Variants in BLK observed in about 807,000 individuals in gnomAD.
BLK encodes the protein tyrosine-protein kinase Blk.
In BLK, 64 loss-of-function variants were observed where a neutral mutation model predicts 61.8. That is an observed-to-expected ratio of 1.03 (90% CI 0.85 to 1.27). The LOEUF is 1.27. Ranked by LOEUF, BLK falls within the 50% of genes most tolerant of loss-of-function variation. The pLI, the probability that BLK is intolerant of heterozygous loss-of-function variation, is 0.00. For missense variants in BLK, 853 were observed against 660.5 expected (o/e 1.29, Z -3.19); for synonymous variants, 351 against 272.0 (o/e 1.29, Z -2.86).
intron 6 of BLK, among the ~76,000 whole-genome samples, chr8:11,551,502 C>T (rs1438304910): frequency 6.6e-6 from 1 of 152,194 alleles, no homozygotes; most frequent in African/African-American, 2.4e-5. Flanking sequence ...CACATATAGC[C>T]ACATTCTCAG....
chr8:11,518,974 G>A (rs982227240), intron 1 of BLK, among the ~76,000 whole-genome samples: 1 of 151,930 alleles, frequency 6.6e-6, no homozygotes, highest in Non-Finnish European at 1.5e-5. Context: ...AATACCCCTG[G>A]GCCTGTGCGA....
intron 1 of BLK, among the ~76,000 whole-genome samples, chr8:11,531,110 G>C (rs1041581715): frequency 3.9e-5 from 6 of 152,116 alleles, no homozygotes; most frequent in Non-Finnish European, 1.5e-5. Flanking sequence ...CCGAACACCT[G>C]TTCATGGGTT....
At chr8:11,551,118 G>A (rs1303551484) in intron 6 of BLK, among the ~76,000 whole-genome samples, 1 of 152,084 alleles carries the variant, frequency 6.6e-6, no homozygotes, top group Non-Finnish European at 1.5e-5. Flanking sequence ...TTTTCAGCTT[G>A]ATGTAGATAG....
chr8:11,541,540 C>T (rs930702489), intron 1 of BLK, among the ~76,000 whole-genome samples: 19 of 151,340 alleles, frequency 1.3e-4, no homozygotes, highest in African/African-American at 3.9e-4. Flanking sequence ...CTCTGTTGCC[C>T]AGGCTGGAGT....
intron 1 of BLK, among the ~76,000 whole-genome samples, chr8:11,516,955 G>T (rs533593987): frequency 6.6e-6 from 1 of 152,336 alleles, no homozygotes; most frequent in African/African-American, 2.4e-5. Context: ...TGGCATTGCT[G>T]GATCATATGG....
In BLK at chr8:11,542,864, A is replaced by C. The variant is rs140202938; in HGVS notation, c.-1-360A>C. On this transcript the variant is annotated intron_variant, in intron 1 of 12. Transcript: ENST00000259089. ...ACAGCCAGAGACAAAATGAAAACTA[A>C]ACCCAGAGCCCCAGACACATTGGTG... Among the ~76,000 whole-genome samples the C allele has an allele frequency of 5.2e-3, 792 of 152,264 alleles. 8 individuals are homozygous for C. The highest frequency in any genetic ancestry group is 0.018 in the African/African-American group (748 of 41,554).
rs1585427627 is a variant in BLK at position 11,563,955 on chromosome 8, G to A, written c.1365G>A (p.Pro455=). The change falls in exon 13 of 13, where the codon CCG becomes CCA. Residue 455 remains proline, a synonymous_variant. Coordinates refer to ENST00000259089, the MANE Select transcript of BLK (RefSeq NM_001715.3). ...IRNLERGYRM[P]RPDTCPPELY... is the part of the protein sequence containing the mutation. ...ACCTGGAGCGCGGCTACCGCATGCC[G>A]CGCCCCGACACCTGCCCGCCCGAGC... 3 of 1,607,102 alleles carry A rather than the reference G, an allele frequency of 1.9e-6. No homozygotes were observed. The highest frequency in any genetic ancestry group is 2.5e-6 in the Non-Finnish European group (3 of 1,179,320).
rs763046720 is a variant in BLK, at chr8:11,543,341, GCCCCT to G, written c.118_122del (p.Pro40GlyfsTer13). The G allele has an allele frequency of 6.2e-7, 1 of 1,612,970 alleles. No homozygotes were observed. Among genetic ancestry groups the G allele is most frequent in the Non-Finnish European group, 8.5e-7 (1 of 1,180,006 alleles). On this transcript the variant is annotated frameshift_variant and splice_region_variant, in exon 2 of 13. Transcript: ENST00000259089. LOFTEE classifies it high-confidence loss of function. ...AAGACAAGGACGCCCCGCCACTGCC[GCCCCT>G]GGTGAGTGATTGCCCACCCCCACCA...
rs1801173344 is a variant in BLK at position 11,555,610 on chromosome 8, G to A, written c.772+126G>A. 6.3e-6 allele frequency: 9 copies of A among 1,430,520 alleles called. No homozygotes were observed. The South Asian group carries it at 1.1e-4, about 17-fold the overall frequency. 88.6% of individuals were successfully genotyped at this position (1,430,520 alleles called of 1,614,324 possible). A position where few individuals can be genotyped will look rare whatever the true frequency, so the allele number is the denominator to read the frequency against. On this transcript the variant is annotated intron_variant, in intron 8 of 12. Transcript: ENST00000259089. Reference sequence around the variant, plus strand: ...GAAGTCTTGAGAGGGAGCGAGGACAGAGGCGAGGACACTCATTTTACAGAG... The same window carrying A: ...GAAGTCTTGAGAGGGAGCGAGGACAAAGGCGAGGACACTCATTTTACAGAG...
Position 11,528,249 on chromosome 8 carries a change from C to T in BLK, c.-1-14975C>T, listed in dbSNP as rs546713247. ...ATGGAGTCTTGCTGTGTTGTCCAGG[C>T]TGGTCTAGAACTCCTGAGCTCAAGT... On this transcript the variant is annotated intron_variant, in intron 1 of 12. Transcript: ENST00000259089. 2.0e-5 allele frequency among the ~76,000 whole-genome samples: 3 copies of T among 152,222 alleles called. No homozygotes were observed. The East Asian group carries it at 5.8e-4, about 29-fold the overall frequency.
Position 11,563,986 on chromosome 8 carries a change from C to G in BLK, c.1396C>G (p.Arg466Gly), listed in dbSNP as rs767202084. The change falls in exon 13 of 13, where the codon CGC (arginine) becomes GGC (glycine). Residue 466 changes from arginine to glycine, a missense_variant. Physicochemically the swap from Arg to Gly is moderately radical, Grantham distance 125. Coordinates refer to ENST00000259089, the MANE Select transcript of BLK (RefSeq NM_001715.3). ...RPDTCPPELY[R>G]GVIAECWRSR... is the part of the protein sequence containing the mutation. The stretch of plus-strand genomic sequence containing the variant: ...CGACACCTGCCCGCCCGAGCTGTAC[C>G]GCGGCGTCATCGCCGAGTGCTGGCG... 1.7e-5 allele frequency: 28 copies of G among 1,606,060 alleles called. No individual in the cohort carries two copies. Among genetic ancestry groups the G allele is most frequent in the Non-Finnish European group, 1.3e-5 (15 of 1,179,338 alleles).
Position 11,543,326 on chromosome 8 carries a change from C to T in BLK, c.102C>T (p.Asp34=), listed in dbSNP as rs75383960. Residue 34 remains aspartate (D), a synonymous_variant, in exon 2 of 13, where the codon GAC becomes GAT. Transcript: ENST00000259089. The part of the protein sequence containing the change: ...SPLKVSAQDK[D]APPLPPLVVF... ...TGAAGGTCAGCGCCCAAGACAAGGACGCCCCGCCACTGCCGCCCCTGGTGA... is the reference window on the plus strand; with the variant it reads ...TGAAGGTCAGCGCCCAAGACAAGGATGCCCCGCCACTGCCGCCCCTGGTGA... 1.4e-3 allele frequency: 2,232 copies of T among 1,610,934 alleles called. 29 individuals are homozygous for T. In the African/African-American group the frequency reaches 0.026, roughly 19 times the overall value.
At chr8:11,525,274 C>T (rs1050669389) in intron 1 of BLK, among the ~76,000 whole-genome samples, 13 of 152,184 alleles carry the variant, frequency 8.5e-5, no homozygotes, top group African/African-American at 3.1e-4. Context: ...TTATTACTTT[C>T]TGTTTAACCC....
At chr8:11,529,819 C>G (rs1465770241) in intron 1 of BLK, among the ~76,000 whole-genome samples, 1 of 152,196 alleles carries the variant, frequency 6.6e-6, no homozygotes, top group Non-Finnish European at 1.5e-5. Flanking sequence ...ATCTCTTTCA[C>G]TGTCTCAGTT....
chr8:11,537,219 G>T (rs967707976), intron 1 of BLK, among the ~76,000 whole-genome samples: 3 of 152,118 alleles, frequency 2.0e-5, no homozygotes, highest in Non-Finnish European at 4.4e-5. Context: ...GCCAATCACC[G>T]TACTTTCTTC....
At chr8:11,529,487 C>T (rs1799802855) in intron 1 of BLK, among the ~76,000 whole-genome samples, 1 of 152,068 alleles carries the variant, frequency 6.6e-6, no homozygotes, top group African/African-American at 2.4e-5. Flanking sequence ...GTGGTGCCAG[C>T]TGATCCATCA....
chr8:11,546,901 G>A (rs760690803), intron 3 of BLK, among the ~76,000 whole-genome samples: 72 of 152,296 alleles, frequency 4.7e-4, no homozygotes, highest in Non-Finnish European at 8.4e-4. Flanking sequence ...TGCTCTGGTG[G>A]GCTGGCCTGC....
rs540028163 is a variant in BLK at position 11,531,714 on chromosome 8, C to T, written c.-1-11510C>T. On this transcript the variant is annotated intron_variant, in intron 1 of 12. Coordinates refer to ENST00000259089, the MANE Select transcript of BLK (RefSeq NM_001715.3). ...TCTTCTGACTGCGTGCTAATTTCTCCCCAGTCACTGATGCTCTGTTGTTTA... is the reference window on the plus strand; with the variant it reads ...TCTTCTGACTGCGTGCTAATTTCTCTCCAGTCACTGATGCTCTGTTGTTTA... Among the ~76,000 whole-genome samples the T allele has an allele frequency of 8.5e-5, 13 of 152,208 alleles. No homozygotes were observed. In the South Asian group the frequency reaches 1.0e-3, roughly 12 times the overall value.
chr8:11,531,765 C>T (rs1799895055), intron 1 of BLK, among the ~76,000 whole-genome samples: 1 of 152,226 alleles, frequency 6.6e-6, no homozygotes, highest in Non-Finnish European at 1.5e-5. Flanking sequence ...CCCTGTGCTT[C>T]ACTGTGGGTA....
Sources: allele counts gnomAD v4.1 joint callset (sites outside exome capture counted in the v4.1 genomes callset), GRCh38; gene constraint gnomAD v4.1.1; transcripts MANE v1.5; gene names NCBI Gene and HGNC (gene_info 2026-07-23, HGNC 2026-07-21).